MTCL1: variants seen among roughly 807,000 people sequenced by gnomAD.
The protein encoded by MTCL1 is microtubule crosslinking factor 1, also known as microtubule cross-linking factor 1.
In MTCL1, 79 loss-of-function variants were observed where a neutral mutation model predicts 141.4. The ratio of observed to expected loss-of-function variants is 0.56; its 90% CI spans 0.47 to 0.67. The LOEUF is 0.67. MTCL1 is among the 30% of genes least tolerant of loss of function. The pLI, the probability that MTCL1 is intolerant of heterozygous loss-of-function variation, is 0.00. For missense variants in MTCL1, 2,177 were observed against 2,113.9 expected (o/e 1.03, Z -0.59); for synonymous variants, 914 against 875.8 (o/e 1.04, Z -0.77).
intron 12 of MTCL1, among the ~76,000 whole-genome samples, chr18:8,815,312 G>C (rs1268189614): frequency 6.6e-6 from 1 of 151,844 alleles, no homozygotes; most frequent in East Asian, 1.9e-4. Flanking sequence ...ATGAGTTCAT[G>C]TCCTTTGTAG....
chr18:8,811,736 G>T (rs1266425359), intron 11 of MTCL1, among the ~76,000 whole-genome samples: 1 of 151,972 alleles, frequency 6.6e-6, no homozygotes, highest in African/African-American at 2.4e-5. Flanking sequence ...AAATAAACTG[G>T]GAATAAGGAT....
chr18:8,831,778 C>T (rs1432754401), exon 17 of MTCL1: 7 of 1,549,700 alleles, frequency 4.5e-6, no homozygotes, highest in Non-Finnish European at 6.1e-6. Context: ...CGAGGAGCCG[C>T]CCGAGGAGCA....
rs114952968 is a variant in MTCL1 at position 8,821,159 on chromosome 18, G to A, written c.3157-308G>A. Among the ~76,000 whole-genome samples, 854 of 152,272 alleles carry A rather than the reference G, an allele frequency of 5.6e-3. 5 individuals are homozygous for A. The highest frequency in any genetic ancestry group is 0.02 in the African/African-American group (812 of 41,558). Reference sequence around the variant, plus strand: ...CCGCTTTGAAATTCATGTAGTCAGTGAGGTCCTTTGAGGAAGCACAGAAGA... The same window carrying A: ...CCGCTTTGAAATTCATGTAGTCAGTAAGGTCCTTTGAGGAAGCACAGAAGA... On this transcript the variant is annotated intron_variant, in intron 13 of 16. Transcript: ENST00000359865.
rs113718422 is a variant in MTCL1, at chr18:8,779,118, C to T, written c.417+1226C>T. 3.3e-5 allele frequency among the ~76,000 whole-genome samples: 5 copies of T among 152,356 alleles called. No individual in the cohort carries two copies. The highest frequency in any genetic ancestry group is 1.9e-4 in the East Asian group (1 of 5,180). On this transcript the variant is annotated intron_variant, in intron 5 of 16. Transcript: ENST00000359865. This position sits in a 1 kb window ranked among gnomAD's most constrained non-coding sequence, Gnocchi z 4.1. ...CTGGCGCCCCGGCGCAAGGTAGGCA[C>T]GTGGGCAGTCACCCGCTCAGGGTGC...
intron 4 of MTCL1, among the ~76,000 whole-genome samples, chr18:8,766,168 C>T (rs2096458751): frequency 1.3e-5 from 2 of 152,220 alleles, no homozygotes; most frequent in African/African-American, 4.8e-5. Flanking sequence ...TTTAAAAGCA[C>T]GCAGCGGATG....
rs748350546 is a variant in MTCL1, at chr18:8,784,683, A to G, written c.1571A>G (p.Lys524Arg). 40 of 1,614,048 alleles carry G rather than the reference A, an allele frequency of 2.5e-5. No homozygotes were observed. The South Asian group carries it at 4.0e-4, about 16-fold the overall frequency. ...AACGCCAAGATGAAGGCTTTCAAGAAAGAGCTGCAGGCCTTCCTGGAGCAG... is the reference window on the plus strand; with the variant it reads ...AACGCCAAGATGAAGGCTTTCAAGAGAGAGCTGCAGGCCTTCCTGGAGCAG... The change falls in exon 6 of 17, where the codon AAA becomes AGA. Residue 524 changes from lysine (K) to arginine (R), a missense_variant. Physicochemically the swap from Lys to Arg is conservative, Grantham distance 26. Transcript: ENST00000359865.
At chr18:8,784,147 C>T (rs368351211) in exon 6 of MTCL1, 57 of 1,613,586 alleles carry the variant, frequency 3.5e-5, no homozygotes, top group Admixed American at 5.0e-5. Flanking sequence ...GGCTGCAGAT[C>T]AGCGAGCTCA....
chr18:8,811,798 T>G (rs1039210808), intron 11 of MTCL1, among the ~76,000 whole-genome samples: 21 of 152,368 alleles, frequency 1.4e-4, no homozygotes, highest in African/African-American at 5.1e-4. Flanking sequence ...GCAATCTATG[T>G]GAAAGGCCTT....
At chr18:8,807,825 G>T (rs554089018) in intron 11 of MTCL1, among the ~76,000 whole-genome samples, 1 of 152,282 alleles carries the variant, frequency 6.6e-6, no homozygotes, top group South Asian at 2.1e-4. Flanking sequence ...CCTTGATCAT[G>T]AGGAGGGAGG....
At chr18:8,784,213 G>C (rs536594907) in exon 6 of MTCL1, 24 of 1,612,094 alleles carry the variant, frequency 1.5e-5, no homozygotes, top group Admixed American at 5.0e-5. Context: ...CCAACATCCA[G>C]CGCTGCGACC....
At chr18:8,796,647 T>C (rs1015656739) in intron 9 of MTCL1, among the ~76,000 whole-genome samples, 185 bp downstream of exon 8, 2 of 152,186 alleles carry the variant, frequency 1.3e-5, no homozygotes, top group African/African-American at 4.8e-5. Context: ...AAGAGAAAAT[T>C]GAGCACAGGT....
intron 4 of MTCL1, among the ~76,000 whole-genome samples, chr18:8,732,160 C>T (rs1353378844): frequency 6.6e-6 from 1 of 152,180 alleles, no homozygotes; most frequent in East Asian, 1.9e-4. Flanking sequence ...TCATGGCTCA[C>T]TGCAGCCTTG....
intron 4 of MTCL1, among the ~76,000 whole-genome samples, chr18:8,757,626 G>T (rs1308422198): frequency 1.3e-5 from 2 of 152,332 alleles, no homozygotes; most frequent in African/African-American, 4.8e-5. Flanking sequence ...GGGCGTGTGT[G>T]CAAGGGCCGT....
chr18:8,720,702 C>A (rs1460090164), intron 4 of MTCL1, among the ~76,000 whole-genome samples: 1 of 152,164 alleles, frequency 6.6e-6, no homozygotes, highest in African/African-American at 2.4e-5. Context: ...GGAAAGAAAG[C>A]CCCCAAAAGC....
chr18:8,740,735 G>A (rs187272353), intron 4 of MTCL1, among the ~76,000 whole-genome samples: 38 of 152,208 alleles, frequency 2.5e-4, no homozygotes, highest in Non-Finnish European at 4.7e-4. Flanking sequence ...TGCCTGCCTC[G>A]GCTTCCCAAA....
intron 4 of MTCL1, among the ~76,000 whole-genome samples, chr18:8,754,516 G>T (rs2096387565): frequency 6.6e-6 from 1 of 152,172 alleles, no homozygotes; most frequent in South Asian, 2.1e-4. Flanking sequence ...TGATGAGACA[G>T]CATTACAGGA....
At chr18:8,797,669 T>C (rs1042658196) in intron 9 of MTCL1, among the ~76,000 whole-genome samples, 4 of 152,248 alleles carry the variant, frequency 2.6e-5, no homozygotes, top group African/African-American at 9.6e-5. Flanking sequence ...AATACAGTGA[T>C]TCTCTTTCCT....
chr18:8,828,972 C>T lies in MTCL1; in HGVS notation c.*18+8C>T. 6.2e-7 allele frequency: 1 copy of T among 1,614,216 alleles called. No individual in the cohort carries two copies. Among genetic ancestry groups the T allele is most frequent in the Non-Finnish European group, 8.5e-7 (1 of 1,180,030 alleles). On this transcript the variant is annotated splice_region_variant and intron_variant, in intron 16 of 16. Transcript: ENST00000359865. The surrounding 1 kb of genome is among the most constrained non-coding windows in gnomAD (Gnocchi z 5.2). ...CCCTGCCCGCCTCACGCTGTAAGTG[C>T]TTCCTTCCTTGTTTCCCAACTGTCT...
chr18:8,813,248 C>G lies in MTCL1; in HGVS notation c.2859+15C>G, dbSNP rs367864498. On this transcript the variant is annotated intron_variant, in intron 12 of 16. Transcript: ENST00000359865. ...GGATAGAGCAGGTAAGGAGGCACCC[C>G]GGGGCCCTGGAGCATAGGCACAGAG... The G allele has an allele frequency of 6.2e-7, 1 of 1,607,746 alleles. No individual in the cohort carries two copies. Among genetic ancestry groups the G allele is most frequent in the Non-Finnish European group, 8.5e-7 (1 of 1,177,170 alleles).
Sources: allele counts gnomAD v4.1 joint callset (sites outside exome capture counted in the v4.1 genomes callset), GRCh38; gene constraint gnomAD v4.1.1; non-coding constraint Gnocchi (gnomAD v3.1); transcripts MANE v1.5; gene names NCBI Gene and HGNC (gene_info 2026-07-23, HGNC 2026-07-21).